The following ARHGEF11 variants were observed in gnomAD, a reference collection of about 807,000 sequenced individuals.
ARHGEF11 encodes Rho guanine exchange factor (GEF) 11.
A neutral mutation model predicts 193.7 loss-of-function variants in ARHGEF11; 55 were observed. The observed-to-expected ratio is 0.28, with a 90% CI of 0.23 to 0.36. The LOEUF (loss-of-function observed/expected upper bound fraction) is 0.36, where lower values mean the gene tolerates loss of function less well. Ranked by LOEUF, ARHGEF11 falls within the 10% of genes least tolerant of loss-of-function variation. The pLI is 1.00. For synonymous variants in ARHGEF11, 693 were observed against 768.0 expected (o/e 0.90, Z 1.62); for missense variants, 1,723 against 2,005.6 (o/e 0.86, Z 2.69).
At chr1:156,969,181 C>G in intron 10 of ARHGEF11, 101 bp downstream of exon 10, 1 of 931,080 alleles carries the variant, frequency 1.1e-6, no homozygotes, top group South Asian at 1.5e-5. Flanking sequence ...ATGGAAGAGG[C>G]ACACAGAGGC....
intron 1 of ARHGEF11, among the ~76,000 whole-genome samples, chr1:157,038,029 C>CAAAAAAAAAA (rs145416871): frequency 2.2e-5 from 1 of 45,518 alleles, no homozygotes; most frequent in African/African-American, 9.2e-5. Context: ...AAGACTGTCT[C>CAAAAAAAAAA]AAAAAAAAAA....
intron 1 of ARHGEF11, among the ~76,000 whole-genome samples, chr1:157,014,955 A>G (rs1669025364): frequency 6.6e-6 from 1 of 152,136 alleles, no homozygotes. Flanking sequence ...TTTAGATTTC[A>G]GGCTCCATAT....
intron 28 of ARHGEF11, among the ~76,000 whole-genome samples, chr1:156,946,431 A>G (rs557040456): frequency 6.6e-6 from 1 of 152,338 alleles, no homozygotes; most frequent in African/African-American, 2.4e-5. Flanking sequence ...CCATCTCAGG[A>G]CACACAGGTG....
intron 6 of ARHGEF11, 61 bp downstream of exon 6, chr1:156,978,143 C>A: frequency 6.2e-7 from 1 of 1,604,418 alleles, no homozygotes; most frequent in Admixed American, 1.7e-5. Context: ...GCTTTCCTCC[C>A]CAATGCGGAG....
At chr1:157,020,499 G>A (rs181446597) in intron 1 of ARHGEF11, among the ~76,000 whole-genome samples, 1 of 152,198 alleles carries the variant, frequency 6.6e-6, no homozygotes, top group East Asian at 1.9e-4. Flanking sequence ...ATGAGGCTAT[G>A]GTCTTTGAAT....
intron 1 of ARHGEF11, among the ~76,000 whole-genome samples, chr1:156,994,833 T>G (rs1436280426): frequency 4.2e-5 from 6 of 144,474 alleles, no homozygotes; most frequent in Non-Finnish European, 9.1e-5. Context: ...CAATAACAAA[T>G]GTAGGTAATA....
At chr1:156,938,670 C>A in intron 37 of ARHGEF11, 157 bp from the exon 38 acceptor site, 1 of 594,486 alleles carries the variant, frequency 1.7e-6, no homozygotes, top group South Asian at 2.3e-5. Context: ...GATGACATCC[C>A]AGGCAGTGCA....
rs1471945294 is a variant in ARHGEF11, at chr1:156,941,899, G to A, written c.3417C>T (p.Pro1139=). ...PMPVHPPPPG[P]REPAQQGPTP... is the part of the protein sequence containing the mutation. ...TGGGGCCCTGCTGGGCTGGCTCCCG[G>A]GGACCTGGGGGTGGAGGATGGACGG... Residue 1139 remains proline, a synonymous_variant, in exon 34 of 41, where the codon CCC becomes CCT. Coordinates refer to ENST00000368194, the MANE Select transcript of ARHGEF11 (RefSeq NM_198236.3). 5.0e-6 allele frequency: 8 copies of A among 1,613,668 alleles called. No individual in the cohort carries two copies. The highest frequency in any genetic ancestry group is 6.8e-6 in the Non-Finnish European group (8 of 1,179,806).
chr1:156,983,885 A>C (rs1664554675), intron 3 of ARHGEF11, among the ~76,000 whole-genome samples: 1 of 152,186 alleles, frequency 6.6e-6, no homozygotes, highest in Non-Finnish European at 1.5e-5. Context: ...TTATTATTTA[A>C]TGTTAATTGT....
chr1:156,973,071 G>A (rs917609259), intron 7 of ARHGEF11, among the ~76,000 whole-genome samples: 1 of 151,940 alleles, frequency 6.6e-6, no homozygotes, highest in South Asian at 2.1e-4. Flanking sequence ...AAAGGGATAT[G>A]AGCCTGTGGT....
At position 156,941,923 on chromosome 1, in the gene ARHGEF11, G is replaced by A. The variant is rs376327891; in HGVS notation, c.3393C>T (p.Pro1131=). Residue 1131 remains proline (P), a synonymous_variant, in exon 34 of 41, where the codon CCC becomes CCT. Coordinates refer to ENST00000368194, the MANE Select transcript of ARHGEF11 (RefSeq NM_198236.3). ...ATRHPGAAPM[P]VHPPPPGPRE... ...GGGGACCTGGGGGTGGAGGATGGAC[G>A]GGCATTGGGGCAGCTCCGGGGTGCC... The A allele has an allele frequency of 1.1e-5, 17 of 1,614,038 alleles. No homozygotes were observed. Among genetic ancestry groups the A allele is most frequent in the Middle Eastern group, 1.7e-4 (1 of 6,060 alleles).
At chr1:156,944,894 C>T in intron 30 of ARHGEF11, 125 bp downstream of exon 30, 1 of 1,295,756 alleles carries the variant, frequency 7.7e-7, no homozygotes, top group Non-Finnish European at 1.1e-6. Flanking sequence ...TCTGGGGCTC[C>T]ATTGTGCCAC....
intron 7 of ARHGEF11, 114 bp downstream of exon 7, chr1:156,976,869 T>A (rs1294003620): frequency 2.1e-6 from 2 of 962,662 alleles, no homozygotes; most frequent in Non-Finnish European, 3.2e-6. Context: ...TTTTTTGAGG[T>A]TTTACTGTGA....
chr1:156,939,885 C>T lies in ARHGEF11; in HGVS notation c.3759G>A (p.Leu1253=). 6.2e-7 allele frequency: 1 copy of T among 1,607,854 alleles called. No individual in the cohort carries two copies. Among genetic ancestry groups the T allele is most frequent in the Non-Finnish European group, 8.5e-7 (1 of 1,179,846 alleles). ...EDVENLRHLI[L]WSLLPGHTME... is the part of the protein sequence containing the mutation. ...TGGTGTGACCTGGCAGCAGGCTCCA[C>T]AGGATCAGATGTCGCAGGTTCTCCA... The change falls in exon 37 of 41, where the codon CTG becomes CTA. Residue 1253 remains leucine, a synonymous_variant. Coordinates refer to ENST00000368194, the MANE Select transcript of ARHGEF11 (RefSeq NM_198236.3).
rs140332566 is a variant in ARHGEF11, at chr1:157,015,125, T to C, written c.33-28952A>G. ...TGACTCTTCCTTTTCTCTGACCACA[T>C]AGCCAGTTAAACAATACATCCTGGA... On this transcript the variant is annotated intron_variant, in intron 1 of 40. Coordinates refer to ENST00000368194, the MANE Select transcript of ARHGEF11 (RefSeq NM_198236.3). 6.2e-3 allele frequency among the ~76,000 whole-genome samples: 948 copies of C among 152,290 alleles called. 9 individuals are homozygous for C. The highest frequency in any genetic ancestry group is 0.021 in the African/African-American group (877 of 41,556).
intron 7 of ARHGEF11, among the ~76,000 whole-genome samples, chr1:156,976,698 C>A (rs1341716301): frequency 6.6e-6 from 1 of 152,212 alleles, no homozygotes; most frequent in Non-Finnish European, 1.5e-5. Context: ...TCCTTCCCTT[C>A]CTTGGAAATG....
chr1:156,959,249 G>GCT, intron 15 of ARHGEF11, 107 bp from the exon 16 acceptor site: 2 of 897,548 alleles, frequency 2.2e-6, no homozygotes, highest in Non-Finnish European at 3.5e-6. Context: ...GACACTGGGA[G>GCT]GAAGGGCTGG....
In ARHGEF11 at chr1:156,938,403, GGA is replaced by G. The variant is rs764270072; in HGVS notation, c.4192+13_4192+14del. 6.2e-7 allele frequency: 1 copy of G among 1,611,058 alleles called. No homozygotes were observed. Among genetic ancestry groups the G allele is most frequent in the South Asian group, 1.1e-5 (1 of 90,794 alleles). Reference sequence around the variant, plus strand: ...AGTCTTGGCCTGTCTTTAGCTCCAAGGAGAAAGTTATTACCCGTAGCCTTTGT... The same window carrying G: ...AGTCTTGGCCTGTCTTTAGCTCCAAGGAAAGTTATTACCCGTAGCCTTTGT... On this transcript the variant is annotated intron_variant, in intron 38 of 40. Transcript: ENST00000368194.
At chr1:156,977,289 C>G (rs569160319) in intron 6 of ARHGEF11, among the ~76,000 whole-genome samples, 1 of 152,352 alleles carries the variant, frequency 6.6e-6, no homozygotes, top group South Asian at 2.1e-4. Context: ...TCTCCCAGGA[C>G]TTGTGGGCTC....
Sources: allele counts gnomAD v4.1 joint callset (sites outside exome capture counted in the v4.1 genomes callset), GRCh38; gene constraint gnomAD v4.1.1; transcripts MANE v1.5; gene names NCBI Gene and HGNC (gene_info 2026-07-23, HGNC 2026-07-21).